The following CMIP variants were observed in gnomAD, a reference collection of about 807,000 sequenced individuals.
CMIP encodes the protein c-Maf inducing protein.
CMIP carries 13 observed loss-of-function variants against 97.3 expected under a neutral mutation model. The ratio of observed to expected loss-of-function variants is 0.13; its 90% CI spans 0.09 to 0.21. The LOEUF (loss-of-function observed/expected upper bound fraction) is 0.21. Ranked by LOEUF, CMIP falls within the 10% of genes least tolerant of loss-of-function variation. CMIP has a pLI of 1.00. For synonymous variants in CMIP, 538 were observed against 436.3 expected (o/e 1.23, Z -2.91); for missense variants, 847 against 1,024.9 (o/e 0.83, Z 2.37).
At chr16:81,582,993 A>G (rs769093590) in intron 1 of CMIP, among the ~76,000 whole-genome samples, 3 of 152,226 alleles carry the variant, frequency 2.0e-5, no homozygotes, top group African/African-American at 4.8e-5. Flanking sequence ...TGCATCAGCA[A>G]GAAAGGGCAA....
chr16:81,598,386 C>G (rs1222780470), intron 1 of CMIP, among the ~76,000 whole-genome samples: 3 of 152,216 alleles, frequency 2.0e-5, no homozygotes, highest in African/African-American at 7.2e-5. Context: ...CTCCACCACA[C>G]TGGCCATATT....
chr16:81,524,415 G>A (rs1472074828), intron 1 of CMIP, among the ~76,000 whole-genome samples: 1 of 152,250 alleles, frequency 6.6e-6, no homozygotes, highest in African/African-American at 2.4e-5. Flanking sequence ...GCTCTGCTAT[G>A]TCCTAGACAG....
At chr16:81,691,995 G>C (rs1906134000) in intron 11 of CMIP, among the ~76,000 whole-genome samples, 155 bp downstream of exon 11, 1 of 152,200 alleles carries the variant, frequency 6.6e-6, no homozygotes, top group Non-Finnish European at 1.5e-5. Context: ...CACGTCCTCA[G>C]CTGTGGGACC....
rs1008480310 is a variant in CMIP at position 81,710,212 on chromosome 16, C to G, written c.*413C>G. The G allele has an allele frequency of 3.4e-5, 8 of 237,204 alleles. No individual in the cohort carries two copies. The East Asian group carries it at 8.5e-4, about 25-fold the overall frequency. 14.7% of individuals were successfully genotyped at this position (237,204 alleles called of 1,614,324 possible). ...AAGGATGCTTTCTTCCTAGAGGCTC[C>G]GAGCTGAGCTGCGAACTCGCCCCCC... On this transcript the variant is annotated 3_prime_UTR_variant, in exon 21 of 21. Transcript: ENST00000537098.
intron 1 of CMIP, among the ~76,000 whole-genome samples, chr16:81,513,211 C>T (rs569765433): frequency 2.0e-5 from 3 of 152,314 alleles, no homozygotes; most frequent in South Asian, 2.1e-4. Flanking sequence ...ATCGAGTTTT[C>T]GTAGAGCGGG....
chr16:81,670,454 C>G (rs981014726), intron 8 of CMIP, among the ~76,000 whole-genome samples: 5 of 152,172 alleles, frequency 3.3e-5, no homozygotes, highest in African/African-American at 7.2e-5. Flanking sequence ...CACGACCCCT[C>G]AGGCTGTAGG....
chr16:81,598,870 G>T (rs2091608133), intron 1 of CMIP, among the ~76,000 whole-genome samples: 1 of 151,250 alleles, frequency 6.6e-6, no homozygotes, highest in African/African-American at 2.4e-5. Context: ...TTGGGAGGCT[G>T]AGGCAGGAGA....
chr16:81,454,424 C>T (rs1906422373), intron 1 of CMIP, among the ~76,000 whole-genome samples: 1 of 152,192 alleles, frequency 6.6e-6, no homozygotes, highest in Admixed American at 6.5e-5. Context: ...ACTATTTCAG[C>T]CTCCTGCAGA....
chr16:81,653,660 A>G (rs910660958), intron 4 of CMIP, among the ~76,000 whole-genome samples: 3 of 152,192 alleles, frequency 2.0e-5, no homozygotes, highest in African/African-American at 7.2e-5. Flanking sequence ...GTGCCACCCA[A>G]TCTGGAGTGC....
intron 1 of CMIP, among the ~76,000 whole-genome samples, chr16:81,556,064 C>T (rs1258485609): frequency 2.0e-5 from 3 of 152,072 alleles, no homozygotes; most frequent in African/African-American, 4.8e-5. Flanking sequence ...CCATTTTTTC[C>T]CTGGAAAATG....
intron 1 of CMIP, among the ~76,000 whole-genome samples, chr16:81,575,496 T>C (rs780399487): frequency 6.6e-6 from 1 of 152,166 alleles, no homozygotes; most frequent in Non-Finnish European, 1.5e-5. Flanking sequence ...AGAGCAGTGA[T>C]CCAGGCCCCA....
rs568522393 is a variant in CMIP, at chr16:81,616,871, C to T, written c.427-4005C>T. ...AAGTGCTGCTGTGAGAGGCAGGCTA[C>T]GAGGACCCAGCTAAGACTGGAGGCT... On this transcript the variant is annotated intron_variant, in intron 2 of 20. Coordinates refer to ENST00000537098, the MANE Select transcript of CMIP (RefSeq NM_198390.3). This position sits in a 1 kb window ranked among gnomAD's most constrained non-coding sequence, Gnocchi z 4.7. Among the ~76,000 whole-genome samples the T allele has an allele frequency of 5.9e-5, 9 of 152,318 alleles. No individual in the cohort carries two copies. Among genetic ancestry groups the T allele is most frequent in the South Asian group, 2.1e-4 (1 of 4,834 alleles).
chr16:81,528,410 G>A lies in CMIP; in HGVS notation c.301-79157G>A, dbSNP rs1282727142. On this transcript the variant is annotated intron_variant, in intron 1 of 20. Transcript: ENST00000537098. ...AAGCTGGGTGTAGCCAGAGACAGGG[G>A]CCCGGAGTGAGGTTGGGAGTACCTT... 2.0e-5 allele frequency among the ~76,000 whole-genome samples: 3 copies of A among 152,152 alleles called. No homozygotes were observed. The East Asian group carries it at 5.8e-4, about 29-fold the overall frequency.
intron 2 of CMIP, among the ~76,000 whole-genome samples, chr16:81,617,698 A>T (rs1329451945): frequency 6.6e-6 from 1 of 152,228 alleles, no homozygotes; most frequent in Non-Finnish European, 1.5e-5. Flanking sequence ...CAGTGTAACC[A>T]GCTCTGGCCC....
At chr16:81,547,073 G>A (rs2090560991) in intron 1 of CMIP, among the ~76,000 whole-genome samples, 1 of 152,186 alleles carries the variant, frequency 6.6e-6, no homozygotes, top group Non-Finnish European at 1.5e-5. Flanking sequence ...TGGGATGTGG[G>A]CACACAGATG....
Position 81,583,816 on chromosome 16 carries a change from G to A in CMIP, c.301-23751G>A, listed in dbSNP as rs549776055. ...GGCCAAGGGGGCTGGATTTTTCTCTGTAGGCAAATCAGGGATATTCAAAGT... is the reference window on the plus strand; with the variant it reads ...GGCCAAGGGGGCTGGATTTTTCTCTATAGGCAAATCAGGGATATTCAAAGT... On this transcript the variant is annotated intron_variant, in intron 1 of 20. Coordinates refer to ENST00000537098, the MANE Select transcript of CMIP (RefSeq NM_198390.3). Among the ~76,000 whole-genome samples, 12 of 152,302 alleles carry A rather than the reference G, an allele frequency of 7.9e-5. No homozygotes were observed. In the South Asian group the frequency reaches 8.3e-4, roughly 11 times the overall value.
intron 1 of CMIP, among the ~76,000 whole-genome samples, chr16:81,533,223 G>A (rs970262527): frequency 6.6e-6 from 1 of 152,158 alleles, no homozygotes; most frequent in African/African-American, 2.4e-5. Flanking sequence ...GAAAGGCAGG[G>A]GTTTGCCTGT....
chr16:81,492,082 C>T (rs531960345), intron 1 of CMIP, among the ~76,000 whole-genome samples: 1 of 152,294 alleles, frequency 6.6e-6, no homozygotes, highest in East Asian at 1.9e-4. Flanking sequence ...CGTTTTTATC[C>T]TTTCCTTTTG....
intron 1 of CMIP, among the ~76,000 whole-genome samples, chr16:81,528,119 G>A (rs1275999802): frequency 6.6e-6 from 1 of 152,108 alleles, no homozygotes; most frequent in African/African-American, 2.4e-5. Context: ...TAGCCATTTT[G>A]GTGGGTATAT....
Sources: gnomAD v4.1 joint callset for allele counts (sites outside exome capture counted in the v4.1 genomes callset) on GRCh38, gnomAD v4.1.1 for gene constraint, Gnocchi (gnomAD v3.1) non-coding constraint, MANE v1.5 for transcripts, NCBI Gene and HGNC (gene_info 2026-07-23, HGNC 2026-07-21) for gene names.